TET1: variants seen among roughly 807,000 people sequenced by gnomAD.
TET1 encodes tet methylcytosine dioxygenase 1.
In TET1, 13 loss-of-function variants were observed where a neutral mutation model predicts 148.7. The ratio of observed to expected loss-of-function variants is 0.09; its 90% confidence interval spans 0.06 to 0.14. The LOEUF (loss-of-function observed/expected upper bound fraction) is 0.14. TET1 is among the 10% of genes least tolerant of loss of function. The probability of loss-of-function intolerance (pLI) is 1.00; values close to 1 mark genes in which losing one functional copy is unlikely to be tolerated. For missense variants in TET1, 2,182 were observed against 2,553.8 expected (o/e 0.85, Z 3.14); for synonymous variants, 907 against 937.2 (o/e 0.97, Z 0.59).
intron 7 of TET1, among the ~76,000 whole-genome samples, chr10:68,668,263 G>A (rs1448697495): frequency 6.6e-6 from 1 of 152,130 alleles, no homozygotes; most frequent in African/African-American, 2.4e-5. Flanking sequence ...TGTTTTTGAT[G>A]CAATCAAACA....
intron 6 of TET1, among the ~76,000 whole-genome samples, chr10:68,652,877 G>A (rs1370615338): frequency 7.5e-6 from 1 of 133,150 alleles, no homozygotes; most frequent in Admixed American, 8.2e-5. Flanking sequence ...TTTTAGTGGA[G>A]AGCTCAAGTG....
chr10:68,614,837 G>A (rs1435159132), intron 3 of TET1, among the ~76,000 whole-genome samples: 6 of 151,428 alleles, frequency 4.0e-5, no homozygotes, highest in Middle Eastern at 3.4e-3. Flanking sequence ...CAAGCAATCC[G>A]CCCACCTTGG....
intron 3 of TET1, among the ~76,000 whole-genome samples, chr10:68,615,362 T>TTTTTTTTTG (rs2054276034): frequency 2.6e-5 from 4 of 151,754 alleles, no homozygotes; most frequent in African/African-American, 9.7e-5. Flanking sequence ...TTTTCTTTTT[T>TTTTTTTTTG]TGAGATGGAG....
At chr10:68,575,628 G>A (rs1015856473) in intron 2 of TET1, among the ~76,000 whole-genome samples, 2 of 151,902 alleles carry the variant, frequency 1.3e-5, no homozygotes, top group African/African-American at 2.4e-5. Context: ...CTTGAACCCG[G>A]GAGGCGGAGG....
chr10:68,669,276 C>G (rs1452939869), intron 7 of TET1, among the ~76,000 whole-genome samples: 1 of 151,604 alleles, frequency 6.6e-6, no homozygotes, highest in Non-Finnish European at 1.5e-5. Flanking sequence ...TTCACAAATA[C>G]AGAAAGATGT....
intron 1 of TET1, among the ~76,000 whole-genome samples, chr10:68,570,343 G>A (rs973796048): frequency 6.6e-6 from 1 of 152,038 alleles, no homozygotes; most frequent in Admixed American, 6.6e-5. Flanking sequence ...GACCTCAGGT[G>A]ATCCACCTGC....
chr10:68,686,289 A>G (rs2055506984), intron 10 of TET1, 67 bp from the exon 11 acceptor site: 1 of 1,347,170 alleles, frequency 7.4e-7, no homozygotes, highest in Non-Finnish European at 1.0e-6. Flanking sequence ...ACACGAAGGT[A>G]GGAATAGCCA....
rs1564975238 is a variant in TET1, at chr10:68,624,687, TC to T, written c.1969-20010del. Among the ~76,000 whole-genome samples the T allele has an allele frequency of 2.0e-4, 26 of 130,412 alleles. 1 individual carries two copies. Among genetic ancestry groups the T allele is most frequent in the African/African-American group, 5.6e-4 (19 of 34,198 alleles). 85.6% of individuals were successfully genotyped at this position (130,412 alleles called of 152,430 possible). A position where few individuals can be genotyped will look rare whatever the true frequency, so the allele number is the denominator to read the frequency against. On this transcript the variant is annotated intron_variant, in intron 3 of 11. Coordinates refer to ENST00000373644, the MANE Select transcript of TET1 (RefSeq NM_030625.3). ...CTCTCTCTCTCTCTCTCTCTCTCTC[TC>T]TCTCTCTCTTTCTTTCTTTTCCTTC...
chr10:68,602,736 C>T (rs768821388), intron 3 of TET1, among the ~76,000 whole-genome samples: 1 of 152,130 alleles, frequency 6.6e-6, no homozygotes, highest in Non-Finnish European at 1.5e-5. Flanking sequence ...TCTGCAACAG[C>T]AAGCAGAACC....
chr10:68,640,749 C>T (rs950217310), intron 3 of TET1, among the ~76,000 whole-genome samples: 2 of 150,846 alleles, frequency 1.3e-5, no homozygotes, highest in Non-Finnish European at 2.9e-5. Flanking sequence ...GATGGGATTT[C>T]ACCATGTTAG....
chr10:68,595,013 A>G (rs2053961806), intron 2 of TET1, among the ~76,000 whole-genome samples: 2 of 151,724 alleles, frequency 1.3e-5, no homozygotes, highest in African/African-American at 4.8e-5. Context: ...AAGAAAAAAA[A>G]AATTAGCTTG....
At chr10:68,609,401 TC>T (rs1391567192) in intron 3 of TET1, among the ~76,000 whole-genome samples, 4 of 152,090 alleles carry the variant, frequency 2.6e-5, no homozygotes, top group African/African-American at 9.7e-5. Flanking sequence ...CCTCAGGTGA[TC>T]CACCCTCCTC....
At chr10:68,690,501 G>C (rs1283316183) in intron 11 of TET1, among the ~76,000 whole-genome samples, 1 of 152,094 alleles carries the variant, frequency 6.6e-6, no homozygotes, top group Non-Finnish European at 1.5e-5. Context: ...CCAGCTACTC[G>C]GGAGGTTGAG....
At chr10:68,650,452 G>C (rs928667226) in intron 4 of TET1, among the ~76,000 whole-genome samples, 1 of 152,032 alleles carries the variant, frequency 6.6e-6, no homozygotes, top group Admixed American at 6.6e-5. Flanking sequence ...AGACCAGCCT[G>C]GCCAACATGG....
intron 3 of TET1, among the ~76,000 whole-genome samples, chr10:68,644,418 C>G (rs1414616378): frequency 3.3e-5 from 5 of 152,086 alleles, no homozygotes; most frequent in Admixed American, 3.3e-4. Context: ...CTTGCTCAGG[C>G]TGGTCTTGAA....
At position 68,690,815 on chromosome 10, in the gene TET1, C is replaced by T. The variant is rs780009395; in HGVS notation, c.5412C>T (p.Asn1804=). The part of the protein sequence containing the change: ...KPSSLPTLGS[N]TETVQPEVKS... Reference sequence around the variant, plus strand: ...TTTGGTGTCCTTGTTTAGGGAGTAACACTGAGACCGTGCAACCTGAAGTAA... The same window carrying T: ...TTTGGTGTCCTTGTTTAGGGAGTAATACTGAGACCGTGCAACCTGAAGTAA... Residue 1804 remains asparagine (N), a synonymous_variant, in exon 12 of 12, where the codon AAC becomes AAT. Transcript: ENST00000373644. 1.9e-6 allele frequency: 3 copies of T among 1,602,838 alleles called. No homozygotes were observed. Among genetic ancestry groups the T allele is most frequent in the Non-Finnish European group, 2.6e-6 (3 of 1,172,336 alleles).
chr10:68,605,829 A>G (rs1395514898), intron 3 of TET1, among the ~76,000 whole-genome samples: 2 of 152,146 alleles, frequency 1.3e-5, no homozygotes, highest in African/African-American at 2.4e-5. Context: ...AATTATTTTT[A>G]TATATACTAG....
Position 68,694,087 on chromosome 10 carries a change from C to G in TET1, c.*2273C>G, listed in dbSNP as rs374564686. 1 of 232,236 alleles carries G rather than the reference C, an allele frequency of 4.3e-6. No homozygotes were observed. The highest frequency in any genetic ancestry group is 8.5e-6 in the Non-Finnish European group (1 of 117,548). 14.4% of individuals were successfully genotyped at this position (232,236 alleles called of 1,614,324 possible). A position where few individuals can be genotyped will look rare whatever the true frequency, so the allele number is the denominator to read the frequency against. On this transcript the variant is annotated 3_prime_UTR_variant, in exon 12 of 12. Coordinates refer to ENST00000373644, the MANE Select transcript of TET1 (RefSeq NM_030625.3). Reference sequence around the variant, plus strand: ...TGTATGCAGTAATTCAAATTGATCTCTCTCTCAATAGGTTTCTTAACAATC... The same window carrying G: ...TGTATGCAGTAATTCAAATTGATCTGTCTCTCAATAGGTTTCTTAACAATC...
intron 1 of TET1, among the ~76,000 whole-genome samples, chr10:68,561,077 G>A (rs1422174965): frequency 6.6e-6 from 1 of 152,154 alleles, no homozygotes; most frequent in East Asian, 1.9e-4. Flanking sequence ...GGCTGGGGGA[G>A]GGCAAGTGTG....
Sources: gnomAD v4.1 joint callset for allele counts (sites outside exome capture counted in the v4.1 genomes callset) on GRCh38, gnomAD v4.1.1 for gene constraint, MANE v1.5 for transcripts, NCBI Gene and HGNC (gene_info 2026-07-23, HGNC 2026-07-21) for gene names.